Variants in PCDHGA4 observed in about 807,000 individuals in gnomAD.
The protein encoded by PCDHGA4 is protocadherin gamma subfamily A, 4.
PCDHGA4 carries 38 observed loss-of-function variants against 54.6 expected under a neutral mutation model. That is an observed-to-expected ratio of 0.70 (90% confidence interval 0.54 to 0.91). PCDHGA4 has a LOEUF of 0.91. PCDHGA4 is among the 40% of genes least tolerant of loss of function. PCDHGA4 has a pLI of 0.00. For missense variants in PCDHGA4, 1,298 were observed against 1,220.9 expected (o/e 1.06, Z -0.94); for synonymous variants, 511 against 512.9 (o/e 1.00, Z 0.05).
At chr5:141,361,676 T>C (rs1447277018) in intron 1 of PCDHGA4, 1 of 1,613,624 alleles carries the variant, frequency 6.2e-7, no homozygotes, top group Non-Finnish European at 8.5e-7. Context: ...AGCGGGGTGG[T>C]GTTCGCGCAG....
intron 1 of PCDHGA4, among the ~76,000 whole-genome samples, chr5:141,448,838 T>C (rs2098609981): frequency 6.6e-6 from 1 of 151,802 alleles, no homozygotes; most frequent in Non-Finnish European, 1.5e-5. Flanking sequence ...CCAGCTACTC[T>C]GGAGGCTGAG....
In PCDHGA4 at chr5:141,432,330, A is replaced by G. The variant is rs760184218; in HGVS notation, c.2515-62477A>G. 82 of 1,614,134 alleles carry G rather than the reference A, an allele frequency of 5.1e-5. No individual in the cohort carries two copies. The highest frequency in any genetic ancestry group is 6.8e-5 in the Non-Finnish European group (80 of 1,180,048). Reference sequence around the variant, plus strand: ...GCGCTGAGCTCCTTCGACTACGAGCAGTTCCGAGACTTGCAAGTGAAAGTG... The same window carrying G: ...GCGCTGAGCTCCTTCGACTACGAGCGGTTCCGAGACTTGCAAGTGAAAGTG... On this transcript the variant is annotated intron_variant, in intron 1 of 3. Transcript: ENST00000571252. The surrounding 1 kb of genome is among the most constrained non-coding windows in gnomAD (Gnocchi z 6.0).
At chr5:141,422,289 T>G in intron 1 of PCDHGA4, 1 of 1,553,678 alleles carries the variant, frequency 6.4e-7, no homozygotes, top group African/African-American at 1.4e-5. Context: ...CCTCTTCTAT[T>G]AATTCAATTC....
chr5:141,473,245 C>T (rs2099317733), intron 1 of PCDHGA4, among the ~76,000 whole-genome samples: 1 of 152,134 alleles, frequency 6.6e-6, no homozygotes, highest in African/African-American at 2.4e-5. Context: ...CAAGTGAATA[C>T]ATATATAGTC....
chr5:141,494,528 G>A lies in PCDHGA4; in HGVS notation c.2515-279G>A, dbSNP rs189993899. On this transcript the variant is annotated intron_variant, in intron 1 of 3. Coordinates refer to ENST00000571252, the MANE Select transcript of PCDHGA4 (RefSeq NM_018917.4). ...ATTTTGGCTCAGGAGTTCTGACTCTGGGGGCAGGGAGGAAGGGGCCATTTC... is the reference window on the plus strand; with the variant it reads ...ATTTTGGCTCAGGAGTTCTGACTCTAGGGGCAGGGAGGAAGGGGCCATTTC... 3.0e-4 allele frequency among the ~76,000 whole-genome samples: 45 copies of A among 152,274 alleles called. 1 individual carries two copies. Among genetic ancestry groups the A allele is most frequent in the African/African-American group, 1.0e-3 (42 of 41,542 alleles).
At chr5:141,399,335 A>G in intron 1 of PCDHGA4, 3 of 1,613,978 alleles carry the variant, frequency 1.9e-6, no homozygotes, top group Non-Finnish European at 2.5e-6. Flanking sequence ...TTGGTAACAG[A>G]TGGAACCCTA....
Position 141,490,520 on chromosome 5 carries a change from G to A in PCDHGA4, c.2515-4287G>A. 1 of 1,614,072 alleles carries A rather than the reference G, an allele frequency of 6.2e-7. No individual in the cohort carries two copies. Among genetic ancestry groups the A allele is most frequent in the Non-Finnish European group, 8.5e-7 (1 of 1,180,014 alleles). ...CACTATATCATCGAGCTGCTGGCCAGCGATGCTGGTTCACCTTCCCTACAC... is the reference window on the plus strand; with the variant it reads ...CACTATATCATCGAGCTGCTGGCCAACGATGCTGGTTCACCTTCCCTACAC... On this transcript the variant is annotated intron_variant, in intron 1 of 3. Coordinates refer to ENST00000571252, the MANE Select transcript of PCDHGA4 (RefSeq NM_018917.4). The surrounding 1 kb of genome is among the most constrained non-coding windows in gnomAD (Gnocchi z 5.4).
intron 1 of PCDHGA4, among the ~76,000 whole-genome samples, chr5:141,401,115 G>C (rs923480761): frequency 5.9e-5 from 9 of 151,974 alleles, no homozygotes; most frequent in African/African-American, 1.7e-4. Context: ...AGGCCGAGGC[G>C]GTTGGATCAC....
chr5:141,372,625 G>A (rs1768925620), intron 1 of PCDHGA4: 8 of 1,614,000 alleles, frequency 5.0e-6, no homozygotes, highest in Non-Finnish European at 6.8e-6. Flanking sequence ...CCCACCTACA[G>A]CGAAAGGACT....
rs372202008 is a variant in PCDHGA4, at chr5:141,404,550, C to T, written c.2514+46929C>T. The stretch of plus-strand genomic sequence containing the variant: ...TTTAGAGATTTGCAAATGCAGGTGA[C>T]GGCAAGTGACAGTGGAAGCCCACCA... On this transcript the variant is annotated intron_variant, in intron 1 of 3. Coordinates refer to ENST00000571252, the MANE Select transcript of PCDHGA4 (RefSeq NM_018917.4). The T allele has an allele frequency of 2.8e-4, 448 of 1,613,648 alleles. 1 individual carries two copies. The highest frequency in any genetic ancestry group is 9.8e-4 in the South Asian group (89 of 91,080).
At chr5:141,377,760 A>T (rs991785557) in intron 1 of PCDHGA4, 3 of 152,200 alleles carry the variant, frequency 2.0e-5, no homozygotes, top group South Asian at 4.1e-4. Context: ...GGGACACCAG[A>T]TCTTTGGTGT....
In PCDHGA4 at chr5:141,356,189, G is replaced by A. The variant is rs1760147177; in HGVS notation, c.1082G>A (p.Arg361Lys). The stretch of plus-strand genomic sequence containing the variant: ...CATGATGGGCCTGGTCTCCGAGCTA[G>A]AAGCAAGGTACTGGTGACAGTTCTG... ...EAHDGPGLRARSKVLVTVLDE... is the reference protein window; with the variant it reads ...EAHDGPGLRAKSKVLVTVLDE... The change falls in exon 1 of 4, where the codon AGA becomes AAA. Residue 361 changes from arginine (R) to lysine (K), a missense_variant. Coordinates refer to ENST00000571252, the MANE Select transcript of PCDHGA4 (RefSeq NM_018917.4). 2 of 1,610,782 alleles carry A rather than the reference G, an allele frequency of 1.2e-6. No homozygotes were observed. The highest frequency in any genetic ancestry group is 1.1e-5 in the South Asian group (1 of 90,364).
In PCDHGA4 at chr5:141,422,647, T is replaced by G. The variant is rs773990745; in HGVS notation, c.2514+65026T>G. 2.5e-6 allele frequency: 4 copies of G among 1,611,858 alleles called. No individual in the cohort carries two copies. In the South Asian group the frequency reaches 4.4e-5, roughly 18 times the overall value. On this transcript the variant is annotated intron_variant, in intron 1 of 3. Transcript: ENST00000571252. ...CAACCCCAGGGGTGCCTCCATCTTC[T>G]CAGTGACCGCCCTCGACCCGGACAG...
chr5:141,375,000 A>G (rs1771022536), intron 1 of PCDHGA4: 3 of 1,614,046 alleles, frequency 1.9e-6, no homozygotes, highest in Non-Finnish European at 8.5e-7. Context: ...ACTTCTGCAA[A>G]TCTAGACTAT....
intron 1 of PCDHGA4, chr5:141,421,617 C>A (rs781622911): frequency 6.2e-7 from 1 of 1,613,768 alleles, no homozygotes; most frequent in South Asian, 1.1e-5. Flanking sequence ...TTAATGATAA[C>A]GCCCCCAGCT....
At chr5:141,365,453 G>A (rs1370392916) in intron 1 of PCDHGA4, 1 of 1,613,902 alleles carries the variant, frequency 6.2e-7, no homozygotes, top group Non-Finnish European at 8.5e-7. Context: ...ACATGATGGT[G>A]ATTCTGGAGA....
Position 141,475,063 on chromosome 5 carries a change from C to T in PCDHGA4, c.2515-19744C>T, listed in dbSNP as rs552623067. Among the ~76,000 whole-genome samples the T allele has an allele frequency of 1.1e-4, 16 of 152,320 alleles. No individual in the cohort carries two copies. The South Asian group carries it at 2.9e-3, about 28-fold the overall frequency. The stretch of plus-strand genomic sequence containing the variant: ...TTGTATTTTCTAAAGATTTGTGGAG[C>T]TTTGCTGCCATTATTTCAATAATTT... On this transcript the variant is annotated intron_variant, in intron 1 of 3. Coordinates refer to ENST00000571252, the MANE Select transcript of PCDHGA4 (RefSeq NM_018917.4).
intron 1 of PCDHGA4, chr5:141,389,406 G>A (rs1235613335): frequency 1.9e-6 from 3 of 1,613,632 alleles, no homozygotes; most frequent in South Asian, 2.2e-5. Flanking sequence ...CATAAGCGCG[G>A]AGAGCGGGGT....
At chr5:141,418,718 A>G (rs1334115906) in intron 1 of PCDHGA4, 4 of 1,613,912 alleles carry the variant, frequency 2.5e-6, no homozygotes, top group Non-Finnish European at 3.4e-6. Flanking sequence ...TGTGGCTGAC[A>G]AAGCTCAGCA....
Sources: allele counts gnomAD v4.1 joint callset (sites outside exome capture counted in the v4.1 genomes callset), GRCh38; gene constraint gnomAD v4.1.1; non-coding constraint Gnocchi (gnomAD v3.1); transcripts MANE v1.5; gene names NCBI Gene and HGNC (gene_info 2026-07-23, HGNC 2026-07-21).